The following AOPEP variants were observed in gnomAD, a reference collection of about 807,000 sequenced individuals.
AOPEP encodes aminopeptidase O.
In AOPEP, 77 loss-of-function variants were observed where a neutral mutation model predicts 98.1. That is an observed-to-expected ratio of 0.78 (90% confidence interval 0.65 to 0.95). The LOEUF is 0.95. AOPEP is among the 40% of genes least tolerant of loss of function. AOPEP has a pLI of 0.00. For missense variants in AOPEP, 1,024 were observed against 1,024.7 expected, an observed-to-expected ratio of 1.00 and a Z score of 0.01; for synonymous variants, 346 against 365.3, an observed-to-expected ratio of 0.95 and a Z score of 0.60.
At chr9:94,869,609 T>A (rs551735483) in intron 5 of AOPEP, among the ~76,000 whole-genome samples, 19 of 152,194 alleles carry the variant, frequency 1.2e-4, no homozygotes, top group Non-Finnish European at 1.6e-4. Flanking sequence ...GGGTTGGTAA[T>A]GTTTTTTGGG....
chr9:94,770,578 C>T (rs759109236), intron 2 of AOPEP, among the ~76,000 whole-genome samples: 19 of 152,148 alleles, frequency 1.2e-4, no homozygotes, highest in Non-Finnish European at 7.4e-5. Flanking sequence ...TGTTTCTTAC[C>T]ATGTGGGTGC....
intron 16 of AOPEP, chr9:95,085,379 CAAAAG>C (rs1313730141): frequency 1.2e-5 from 6 of 499,576 alleles, no homozygotes; most frequent in African/African-American, 5.8e-5. Flanking sequence ...TCTTTGGAAA[CAAAAG>C]AAGCCACCAG....
intron 13 of AOPEP, among the ~76,000 whole-genome samples, chr9:95,035,182 A>G (rs567843486): frequency 2.0e-5 from 3 of 147,434 alleles, no homozygotes; most frequent in African/African-American, 7.5e-5. Context: ...GTGTGTTCTC[A>G]TTGTTCAATT....
intron 5 of AOPEP, among the ~76,000 whole-genome samples, chr9:94,882,897 C>T (rs1359402592): frequency 1.3e-5 from 2 of 152,202 alleles, no homozygotes; most frequent in South Asian, 2.1e-4. Context: ...ATTGTGGACC[C>T]ATAATTTTTA....
intron 1 of AOPEP, among the ~76,000 whole-genome samples, chr9:94,730,283 C>CAAAAAAAA (rs58829632): frequency 1.7e-5 from 1 of 60,386 alleles, no homozygotes. Flanking sequence ...GACTCCATCT[C>CAAAAAAAA]AAAAAAAAAA....
chr9:94,864,552 A>T (rs758653132), intron 5 of AOPEP, among the ~76,000 whole-genome samples: 91 of 152,220 alleles, frequency 6.0e-4, no homozygotes, highest in Non-Finnish European at 1.1e-3. Flanking sequence ...ATATCTGGGT[A>T]TGTTTATATT....
downstream of AOPEP, among the ~76,000 whole-genome samples, chr9:95,087,716 C>T (rs188461269): frequency 2.0e-4 from 30 of 152,226 alleles, no homozygotes; most frequent in African/African-American, 7.0e-4. Flanking sequence ...ATTTTTCTTT[C>T]TCCACAAGGT....
chr9:94,738,188 A>G (rs1025687209), intron 1 of AOPEP, among the ~76,000 whole-genome samples: 2 of 152,238 alleles, frequency 1.3e-5, no homozygotes, highest in African/African-American at 4.8e-5. Context: ...CTACTTGTTA[A>G]TATGAGTGTC....
chr9:94,727,367 A>C (rs1437382391), intron 1 of AOPEP, among the ~76,000 whole-genome samples: 1 of 152,206 alleles, frequency 6.6e-6, no homozygotes, highest in Non-Finnish European at 1.5e-5. Context: ...TTAGGATCCA[A>C]TCCACTGTTG....
At position 95,028,727 on chromosome 9, in the gene AOPEP, C is replaced by T. The variant is rs191312844; in HGVS notation, c.2115+23111C>T. On this transcript the variant is annotated intron_variant, in intron 13 of 16. Transcript: ENST00000375315. ...GTGTTAGTGGGGATTCTCCAGGCAG[C>T]CCATTGCTTCACTGTTGTATTTAAT... Among the ~76,000 whole-genome samples the T allele has an allele frequency of 3.9e-5, 6 of 152,308 alleles. No homozygotes were observed. The East Asian group carries it at 5.8e-4, about 15-fold the overall frequency.
the AOPEP span, among the ~76,000 whole-genome samples, chr9:95,144,351 C>T: frequency 1.3e-5 from 2 of 152,196 alleles, no homozygotes; most frequent in Non-Finnish European, 2.9e-5. Flanking sequence ...TATGGATTAG[C>T]AGACATAACT....
chr9:94,922,151 T>A (rs2053709532), intron 5 of AOPEP, among the ~76,000 whole-genome samples: 1 of 152,222 alleles, frequency 6.6e-6, no homozygotes, highest in African/African-American at 2.4e-5. Flanking sequence ...TGTGCATTCC[T>A]TCAGGCCCTC....
At chr9:95,008,768 T>C (rs191779094) in intron 13 of AOPEP, among the ~76,000 whole-genome samples, 3 of 152,358 alleles carry the variant, frequency 2.0e-5, no homozygotes, top group Non-Finnish European at 2.9e-5. Context: ...CCTAACAGGC[T>C]TCATTTCTTA....
chr9:95,028,769 A>G (rs2133324872), intron 13 of AOPEP, among the ~76,000 whole-genome samples: 1 of 152,346 alleles, frequency 6.6e-6, no homozygotes, highest in African/African-American at 2.4e-5. Flanking sequence ...CTCAGGCATC[A>G]GCTTGTAAAT....
chr9:94,729,985 A>G (rs1470800967), intron 1 of AOPEP, among the ~76,000 whole-genome samples: 1 of 152,212 alleles, frequency 6.6e-6, no homozygotes, highest in Non-Finnish European at 1.5e-5. Context: ...GAACTCTTCC[A>G]CATAATGAAA....
chr9:94,849,896 G>T (rs536407357), intron 5 of AOPEP, among the ~76,000 whole-genome samples: 6 of 152,114 alleles, frequency 3.9e-5, no homozygotes, highest in Non-Finnish European at 7.4e-5. Context: ...TTAGCCAGGC[G>T]TGGTGGCGTG....
chr9:95,066,095 TAGG>T (rs2067857332), intron 14 of AOPEP, among the ~76,000 whole-genome samples: 1 of 152,364 alleles, frequency 6.6e-6, no homozygotes, highest in South Asian at 2.1e-4. Flanking sequence ...CTTTTTATGA[TAGG>T]AGAAAGAATA....
chr9:95,112,672 G>C, the AOPEP span, among the ~76,000 whole-genome samples: 1 of 152,320 alleles, frequency 6.6e-6, no homozygotes, highest in East Asian at 1.9e-4. Flanking sequence ...GAGCAGTGAG[G>C]CTCCCTCATG....
intron 7 of AOPEP, among the ~76,000 whole-genome samples, chr9:94,941,112 G>A (rs2056963879): frequency 1.3e-5 from 2 of 152,212 alleles, no homozygotes; most frequent in Admixed American, 1.3e-4. Context: ...TGAATGAGCA[G>A]CACTTCTAAG....
Sources: allele counts gnomAD v4.1 joint callset (sites outside exome capture counted in the v4.1 genomes callset), GRCh38; gene constraint gnomAD v4.1.1; transcripts MANE v1.5; gene names NCBI Gene and HGNC (gene_info 2026-07-23, HGNC 2026-07-21).